Variants in RAD51AP1 observed in about 807,000 individuals in gnomAD.
The protein encoded by RAD51AP1 is RAD51 associated protein 1, also known as RAD51-associated protein 1.
A neutral mutation model predicts 34.3 loss-of-function variants in RAD51AP1; 14 were observed. That is an observed-to-expected ratio of 0.41 (90% CI 0.27 to 0.64). RAD51AP1 has a LOEUF of 0.64. Ranked by LOEUF, RAD51AP1 falls within the 30% of genes least tolerant of loss-of-function variation. The pLI is 0.33. For missense variants in RAD51AP1, 348 were observed against 386.9 expected, an observed-to-expected ratio of 0.90 and a Z score of 0.84; for synonymous variants, 114 against 129.8, an observed-to-expected ratio of 0.88 and a Z score of 0.83.
rs61731945 is a variant in RAD51AP1, at chr12:4,546,332, A to G, written c.233A>G (p.Tyr78Cys). ...KKRMALDDKL[Y>C]QRDLEVALAL... ...AGGATGGCTTTAGATGACAAGCTCT[A>G]CCAGAGAGACTTAGAAGTTGCACTA... The change falls in exon 4 of 9, where the codon TAC becomes TGC. Residue 78 changes from tyrosine to cysteine, a missense_variant. Coordinates refer to ENST00000352618, the MANE Select transcript of RAD51AP1 (RefSeq NM_006479.5). 2.4e-4 allele frequency: 387 copies of G among 1,611,718 alleles called. 2 individuals are homozygous for G. In the African/African-American group the frequency reaches 4.0e-3, roughly 17 times the overall value.
rs1159989955 is a variant in RAD51AP1, at chr12:4,558,932, G to A, written c.947G>A (p.Arg316His). 6.2e-7 allele frequency: 1 copy of A among 1,614,098 alleles called. No homozygotes were observed. Among genetic ancestry groups the A allele is most frequent in the Non-Finnish European group, 8.5e-7 (1 of 1,179,978 alleles). Reference protein sequence around the residue: ...VSVKSPNQSLRLGLSRLARVK... With the variant: ...VSVKSPNQSLHLGLSRLARVK... ...GTGAAGTCTCCCAATCAGAGTCTCC[G>A]CCTTGGCTTGTCCAGATTAGCACGA... Residue 316 changes from arginine to histidine, a missense_variant, in exon 9 of 9, where the codon CGC becomes CAC. Transcript: ENST00000352618.
intron 3 of RAD51AP1, among the ~76,000 whole-genome samples, chr12:4,544,198 G>A (rs986223444): frequency 1.8e-4 from 27 of 152,026 alleles, no homozygotes; most frequent in African/African-American, 6.5e-4. Flanking sequence ...CAAATCATAC[G>A]AGACTACTTT....
intron 3 of RAD51AP1, among the ~76,000 whole-genome samples, chr12:4,544,765 T>A (rs1365505568): frequency 6.6e-6 from 1 of 152,104 alleles, no homozygotes; most frequent in Non-Finnish European, 1.5e-5. Context: ...CAATTTAAAA[T>A]GTGCAAAAGA....
chr12:4,544,410 G>C (rs1167564353), intron 3 of RAD51AP1, among the ~76,000 whole-genome samples: 1 of 152,152 alleles, frequency 6.6e-6, no homozygotes, highest in African/African-American at 2.4e-5. Flanking sequence ...TCAAGAGGCA[G>C]AAAGGAGTGA....
chr12:4,546,160 T>C lies in RAD51AP1; in HGVS notation c.210-149T>C. ...GTGACATTTTAGGAGTCTTATCTTATCATCAAAGGTCTATTAATGATGATT... is the reference window on the plus strand; with the variant it reads ...GTGACATTTTAGGAGTCTTATCTTACCATCAAAGGTCTATTAATGATGATT... On this transcript the variant is annotated intron_variant, in intron 3 of 8. Transcript: ENST00000352618. 9.8e-6 allele frequency: 6 copies of C among 609,246 alleles called. No individual in the cohort carries two copies. In the South Asian group the frequency reaches 1.3e-4, roughly 13 times the overall value. The allele number at this position is 609,246 out of a possible 1,614,324, so 37.7% of individuals were successfully genotyped here.
At chr12:4,543,047 A>T (rs1443428773) in intron 2 of RAD51AP1, among the ~76,000 whole-genome samples, 1 of 151,838 alleles carries the variant, frequency 6.6e-6, no homozygotes, top group Non-Finnish European at 1.5e-5. Context: ...TGTACTAGGA[A>T]TAGGTAATGG....
Position 4,553,055 on chromosome 12 carries a change from G to A in RAD51AP1, c.629G>A (p.Ser210Asn). The A allele has an allele frequency of 1.2e-6, 2 of 1,606,512 alleles. No individual in the cohort carries two copies. Among genetic ancestry groups the A allele is most frequent in the Non-Finnish European group, 1.7e-6 (2 of 1,177,014 alleles). Residue 210 changes from serine (S) to asparagine (N), a missense_variant, in exon 7 of 9, where the codon AGT becomes AAT. Coordinates refer to ENST00000352618, the MANE Select transcript of RAD51AP1 (RefSeq NM_006479.5). ...GACGAAGACTTCTCTATGAGAAAAAGTAAAGTTAAAGAAATTAAAAAGAAA... is the reference window on the plus strand; with the variant it reads ...GACGAAGACTTCTCTATGAGAAAAAATAAAGTTAAAGAAATTAAAAAGAAA... ...DNDEDFSMRK[S>N]KVKEIKKKEV...
Position 4,556,469 on chromosome 12 carries a change from G to T in RAD51AP1, c.838G>T (p.Ala280Ser). The change falls in exon 8 of 9, where the codon GCT becomes TCT. Residue 280 changes from alanine (A) to serine (S), a missense_variant. Physicochemically the swap from Ala to Ser is moderately conservative, Grantham distance 99 (BLOSUM62 1). Coordinates refer to ENST00000352618, the MANE Select transcript of RAD51AP1 (RefSeq NM_006479.5). Reference protein sequence around the residue: ...RKPLEIRSPSAESKKPKWVPP... With the variant: ...RKPLEIRSPSSESKKPKWVPP... ...ACCATTAGAAATACGCAGTCCTTCA[G>T]CTGAAAGCAAGAAACCTAAATGGGT... is the stretch of plus-strand genomic sequence containing the variant. The T allele has an allele frequency of 6.2e-7, 1 of 1,613,780 alleles. No individual in the cohort carries two copies. The highest frequency in any genetic ancestry group is 8.5e-7 in the Non-Finnish European group (1 of 1,179,696).
chr12:4,544,165 C>CTCTT (rs368060898), intron 3 of RAD51AP1, among the ~76,000 whole-genome samples: 21,370 of 152,004 alleles, frequency 0.14, 1,920 homozygotes, highest in Middle Eastern at 0.21. Flanking sequence ...TTGACAGGAC[C>CTCTT]CAGCACTTAT....
At chr12:4,558,052 A>T (rs2137298661) in intron 8 of RAD51AP1, among the ~76,000 whole-genome samples, 1 of 152,112 alleles carries the variant, frequency 6.6e-6, no homozygotes, top group East Asian at 1.9e-4. Flanking sequence ...TCAGATTGCC[A>T]GTTTGTTACC....
rs372302413 is a variant in RAD51AP1, at chr12:4,543,780, A to T, written c.85A>T (p.Thr29Ser). Residue 29 changes from threonine to serine, a missense_variant, in exon 3 of 9, where the codon ACT becomes TCT. Physicochemically the swap from Thr to Ser is moderately conservative, Grantham distance 58. Transcript: ENST00000352618. Reference protein sequence around the residue: ...SDSDDDFVSATVPLNKKSRTA... With the variant: ...SDSDDDFVSASVPLNKKSRTA... The stretch of plus-strand genomic sequence containing the variant: ...ATGAATAGATGATTTTGTTTCTGCA[A>T]CTGTACCTTTAAACAAGAAATCCAG... 2 of 1,599,446 alleles carry T rather than the reference A, an allele frequency of 1.3e-6. No individual in the cohort carries two copies. Among genetic ancestry groups the T allele is most frequent in the Middle Eastern group, 1.7e-4 (1 of 5,984 alleles).
intron 6 of RAD51AP1, among the ~76,000 whole-genome samples, chr12:4,551,959 A>G (rs1024909504): frequency 6.6e-6 from 1 of 151,622 alleles, no homozygotes; most frequent in African/African-American, 2.4e-5. Context: ...TATTTTACAT[A>G]TAATATTTCT....
At chr12:4,548,046 T>A (rs1417367868) in intron 4 of RAD51AP1, 46 bp from the exon 5 acceptor site, 3 of 1,526,006 alleles carry the variant, frequency 2.0e-6, no homozygotes, top group Non-Finnish European at 2.6e-6. Context: ...TATCTAGACA[T>A]TGATTAAGAT....
intron 4 of RAD51AP1, among the ~76,000 whole-genome samples, chr12:4,547,815 C>T (rs542342154): frequency 2.6e-5 from 4 of 152,172 alleles, no homozygotes; most frequent in Admixed American, 6.5e-5. Context: ...CTATTTTTAT[C>T]TCCACATTAT....
Position 4,560,047 on chromosome 12 carries a change from A to G in RAD51AP1, c.*1054A>G, listed in dbSNP as rs1162659624. Reference sequence around the variant, plus strand: ...TTGTGATTAAAGTGAGCATTTGTCTATTGCTGTTGTACACTTCTTTTATCT... The same window carrying G: ...TTGTGATTAAAGTGAGCATTTGTCTGTTGCTGTTGTACACTTCTTTTATCT... On this transcript the variant is annotated 3_prime_UTR_variant, in exon 9 of 9. Coordinates refer to ENST00000352618, the MANE Select transcript of RAD51AP1 (RefSeq NM_006479.5). 5 of 152,324 alleles carry G rather than the reference A, an allele frequency of 3.3e-5. No individual in the cohort carries two copies. The highest frequency in any genetic ancestry group is 1.9e-4 in the East Asian group (1 of 5,190). The allele number at this position is 152,324 out of a possible 1,614,324, so 9.4% of individuals were successfully genotyped here. A position where few individuals can be genotyped will look rare whatever the true frequency, so the allele number is the denominator to read the frequency against.
At position 4,559,028 on chromosome 12, in the gene RAD51AP1, C is replaced by T; in HGVS notation, c.*35C>T. 1 of 1,605,556 alleles carries T rather than the reference C, an allele frequency of 6.2e-7. No homozygotes were observed. The highest frequency in any genetic ancestry group is 2.2e-5 in the East Asian group (1 of 44,762). On this transcript the variant is annotated 3_prime_UTR_variant, in exon 9 of 9. Coordinates refer to ENST00000352618, the MANE Select transcript of RAD51AP1 (RefSeq NM_006479.5). ...AGGAGGAATGTTTGGTTGGGAGAAT[C>T]ACAGCTTTACAAGGGTGTTTATATT...
At chr12:4,543,197 T>A (rs1484771532) in intron 2 of RAD51AP1, among the ~76,000 whole-genome samples, 1 of 152,030 alleles carries the variant, frequency 6.6e-6, no homozygotes, top group Non-Finnish European at 1.5e-5. Flanking sequence ...GTAGCTGGGA[T>A]TATAGGTGTC....
chr12:4,538,919 T>C lies in RAD51AP1; in HGVS notation c.-21T>C. ...CCAACAAGAATTTGAGAACTGTAAA[T>C]ACCAAGCCTTGAAAGGGACCATGGT... On this transcript the variant is annotated 5_prime_UTR_variant, in exon 1 of 9. Coordinates refer to ENST00000352618, the MANE Select transcript of RAD51AP1 (RefSeq NM_006479.5). 2 of 1,613,766 alleles carry C rather than the reference T, an allele frequency of 1.2e-6. No individual in the cohort carries two copies. Among genetic ancestry groups the C allele is most frequent in the Non-Finnish European group, 8.5e-7 (1 of 1,179,744 alleles).
chr12:4,545,733 GA>G lies in RAD51AP1; in HGVS notation c.210-575del, dbSNP rs746874458. On this transcript the variant is annotated intron_variant, in intron 3 of 8. Transcript: ENST00000352618. ...GGACTTTATAGTCTGCCTTTTATAG[GA>G]TAATTATTAGCATGTCTTGTTTCCC... The G allele has an allele frequency of 2.5e-6, 4 of 1,602,310 alleles. No homozygotes were observed. The East Asian group carries it at 8.9e-5, about 36-fold the overall frequency.
Sources: allele counts gnomAD v4.1 joint callset (sites outside exome capture counted in the v4.1 genomes callset), GRCh38; gene constraint gnomAD v4.1.1; transcripts MANE v1.5; gene names NCBI Gene and HGNC (gene_info 2026-07-23, HGNC 2026-07-21).